The following ATP9A variants were observed in gnomAD, a reference collection of about 807,000 sequenced individuals.
The protein encoded by ATP9A is probable phospholipid-transporting ATPase IIA.
Under a neutral mutation model 144.1 loss-of-function variants are expected in ATP9A, and 52 were observed. The observed-to-expected ratio is 0.36, with a 90% CI of 0.29 to 0.45. The LOEUF (loss-of-function observed/expected upper bound fraction) is 0.45, where lower values mean the gene tolerates loss of function less well. ATP9A is among the 20% of genes least tolerant of loss of function. The pLI is 1.00. For missense variants in ATP9A, 947 were observed against 1,392.7 expected (o/e 0.68, Z 5.09); for synonymous variants, 582 against 557.4 (o/e 1.04, Z -0.62).
chr20:51,628,836 G>A, intron 16 of ATP9A, 144 bp downstream of exon 16: 1 of 665,548 alleles, frequency 1.5e-6, no homozygotes, highest in South Asian at 2.0e-5. Context: ...ATATTAAATG[G>A]GTGCTGCTTT....
chr20:51,671,875 C>T lies in ATP9A; in HGVS notation c.1038-618G>A, dbSNP rs1258456895. Among the ~76,000 whole-genome samples, 9 of 152,046 alleles carry T rather than the reference C, an allele frequency of 5.9e-5. 1 individual carries two copies. The highest frequency in any genetic ancestry group is 5.9e-4 in the Admixed American group (9 of 15,242). The stretch of plus-strand genomic sequence containing the variant: ...GTGCAGTGGTGCTATTTCAGCTCAC[C>T]ACAACCTTTGCCTCCCGGGTTCAAA... On this transcript the variant is annotated intron_variant, in intron 11 of 27. Coordinates refer to ENST00000338821, the MANE Select transcript of ATP9A (RefSeq NM_006045.3).
intron 1 of ATP9A, among the ~76,000 whole-genome samples, chr20:51,766,721 A>G (rs2077905538): frequency 6.6e-6 from 1 of 152,040 alleles, no homozygotes; most frequent in South Asian, 2.1e-4. Flanking sequence ...GGCGCCTGTA[A>G]TCCCAGCTAC....
At chr20:51,759,621 C>G (rs1322257140) in intron 1 of ATP9A, among the ~76,000 whole-genome samples, 2 of 151,770 alleles carry the variant, frequency 1.3e-5, no homozygotes, top group East Asian at 3.9e-4. Context: ...TGCAGTGAGC[C>G]GAGATCGCAC....
At chr20:51,681,529 C>A (rs2122802480) in intron 9 of ATP9A, among the ~76,000 whole-genome samples, 1 of 150,094 alleles carries the variant, frequency 6.7e-6, no homozygotes, top group Admixed American at 6.7e-5. Flanking sequence ...TCAAGCAATT[C>A]TCCTGCCTCA....
chr20:51,691,990 TCA>T (rs766311928), intron 7 of ATP9A, among the ~76,000 whole-genome samples: 6 of 152,052 alleles, frequency 3.9e-5, no homozygotes, highest in Non-Finnish European at 7.4e-5. Flanking sequence ...AATAAACCAG[TCA>T]CAAAAAGACA....
At chr20:51,733,841 T>C (rs2077752458) in intron 1 of ATP9A, among the ~76,000 whole-genome samples, 1 of 152,038 alleles carries the variant, frequency 6.6e-6, no homozygotes, top group Non-Finnish European at 1.5e-5. Flanking sequence ...GCCTGGCTAA[T>C]TTTTTAATAT....
intron 1 of ATP9A, among the ~76,000 whole-genome samples, chr20:51,740,376 G>A (rs923115111): frequency 1.3e-5 from 2 of 149,482 alleles, no homozygotes; most frequent in Non-Finnish European, 3.0e-5. Flanking sequence ...ACCAATTTTA[G>A]TTGGGAGTCT....
chr20:51,642,726 C>CAAAAAA lies in ATP9A; in HGVS notation c.1507-3228_1507-3223dup, dbSNP rs778440862. Among the ~76,000 whole-genome samples, 66 of 31,128 alleles carry CAAAAAA rather than the reference C, an allele frequency of 2.1e-3. 5 individuals carry two copies. The highest frequency in any genetic ancestry group is 5.5e-3 in the African/African-American group (61 of 11,170). 20.4% of individuals were successfully genotyped at this position (31,128 alleles called of 152,430 possible). ...GGGTGACTGAGTGAGACTCTGTCTC[C>CAAAAAA]AAAAAAAAAAAAAAAAAAAAAAAAA... On this transcript the variant is annotated intron_variant, in intron 14 of 27. Coordinates refer to ENST00000338821, the MANE Select transcript of ATP9A (RefSeq NM_006045.3).
chr20:51,618,196 G>T (rs1187288505), intron 21 of ATP9A, among the ~76,000 whole-genome samples: 1 of 151,082 alleles, frequency 6.6e-6, no homozygotes, highest in African/African-American at 2.4e-5. Flanking sequence ...CTCCCGCTGG[G>T]CAACAGAGTG....
At chr20:51,690,236 C>T (rs373517013) in intron 8 of ATP9A, among the ~76,000 whole-genome samples, 18 of 151,028 alleles carry the variant, frequency 1.2e-4, no homozygotes, top group South Asian at 2.1e-4. Context: ...CTGGCTAACA[C>T]CGTGAAAACC....
At chr20:51,644,376 C>T (rs371241513) in intron 14 of ATP9A, among the ~76,000 whole-genome samples, 15 of 148,560 alleles carry the variant, frequency 1.0e-4, no homozygotes, top group African/African-American at 3.2e-4. Flanking sequence ...GGGTTCATGC[C>T]ATTCTCCTGC....
intron 9 of ATP9A, among the ~76,000 whole-genome samples, chr20:51,686,663 G>A (rs149757796): frequency 3.3e-4 from 51 of 152,280 alleles, no homozygotes; most frequent in Non-Finnish European, 6.3e-4. Flanking sequence ...GGCTGGGTGC[G>A]GTGGCTCATG....
intron 3 of ATP9A, among the ~76,000 whole-genome samples, chr20:51,721,670 A>G (rs888014760): frequency 1.3e-5 from 2 of 151,612 alleles, no homozygotes; most frequent in Non-Finnish European, 2.9e-5. Flanking sequence ...GCGTGGTGGC[A>G]GGCGCCTGTA....
In ATP9A at chr20:51,768,372, C is replaced by G. The variant is rs777529683; in HGVS notation, c.-3G>C. On this transcript the variant is annotated 5_prime_UTR_variant, in exon 1 of 28. Coordinates refer to ENST00000338821, the MANE Select transcript of ATP9A (RefSeq NM_006045.3). Reference sequence around the variant, plus strand: ...TGCAGCGGGATGTTGTCCGTCATGTCGGCGGCGCCGCCCGCCTTGGCCGCC... The same window carrying G: ...TGCAGCGGGATGTTGTCCGTCATGTGGGCGGCGCCGCCCGCCTTGGCCGCC... 1.2e-5 allele frequency: 15 copies of G among 1,215,070 alleles called. No homozygotes were observed. In the South Asian group the frequency reaches 1.5e-4, roughly 12 times the overall value. The allele number at this position is 1,215,070 out of a possible 1,614,324, so 75.3% of individuals were successfully genotyped here.
At chr20:51,603,353 T>G (rs957080018) in intron 27 of ATP9A, among the ~76,000 whole-genome samples, 2 of 152,144 alleles carry the variant, frequency 1.3e-5, no homozygotes, top group Non-Finnish European at 2.9e-5. Context: ...GTTTGCCCCG[T>G]GCGGGGGAAA....
At chr20:51,767,881 G>A (rs531774460) in intron 1 of ATP9A, among the ~76,000 whole-genome samples, 112 of 152,376 alleles carry the variant, frequency 7.4e-4, no homozygotes, top group African/African-American at 2.6e-3. Context: ...CTGGGCTCCC[G>A]AGTAATGCTC....
At chr20:51,604,761 T>C in intron 27 of ATP9A, 56 bp downstream of exon 27, 1 of 1,402,942 alleles carries the variant, frequency 7.1e-7, no homozygotes. Flanking sequence ...CAGTGAGACC[T>C]CTGGGCCAGA....
chr20:51,623,801 A>AAAAGAAAG (rs71192537), intron 18 of ATP9A, among the ~76,000 whole-genome samples: 18,128 of 132,836 alleles, frequency 0.14, 1,368 homozygotes, highest in Admixed American at 0.17. Context: ...AAAAAAAAAA[A>AAAAGAAAG]AAAGAAAGAA....
intron 19 of ATP9A, among the ~76,000 whole-genome samples, chr20:51,620,688 A>T (rs1057140663): frequency 6.6e-6 from 1 of 152,108 alleles, no homozygotes; most frequent in African/African-American, 2.4e-5. Context: ...GTGTGCGGCC[A>T]TTTTAAACGA....
Sources: allele counts gnomAD v4.1 joint callset (sites outside exome capture counted in the v4.1 genomes callset), GRCh38; gene constraint gnomAD v4.1.1; transcripts MANE v1.5; gene names NCBI Gene and HGNC (gene_info 2026-07-23, HGNC 2026-07-21).